Variants in GLIS1 observed in about 807,000 individuals in gnomAD.
GLIS1 encodes the protein GLIS family zinc finger 1.
Under a neutral mutation model 63.8 loss-of-function variants are expected in GLIS1, and 24 were observed. The ratio of observed to expected loss-of-function variants is 0.38; its 90% CI spans 0.27 to 0.53. GLIS1 has a LOEUF of 0.53. GLIS1 is among the 20% of genes least tolerant of loss of function. The pLI is 0.85. For synonymous variants in GLIS1, 450 were observed against 482.5 expected (o/e 0.93, Z 0.88); for missense variants, 1,036 against 1,074.1 (o/e 0.96, Z 0.50).
intron 2 of GLIS1, among the ~76,000 whole-genome samples, chr1:53,624,505 A>G (rs1383962196): frequency 2.0e-5 from 3 of 152,114 alleles, no homozygotes; most frequent in African/African-American, 7.2e-5. Context: ...ACATTTTAAG[A>G]GTTGATAAAT....
intron 4 of GLIS1, among the ~76,000 whole-genome samples, chr1:53,562,267 G>C (rs1644899762): frequency 1.3e-5 from 2 of 152,164 alleles, no homozygotes; most frequent in East Asian, 1.9e-4. Flanking sequence ...GTTCCTGCAC[G>C]ATCATGGAGA....
In GLIS1 at chr1:53,538,079, G is replaced by T. The variant is rs543031711; in HGVS notation, c.1321-8127C>A. 8.5e-5 allele frequency among the ~76,000 whole-genome samples: 13 copies of T among 152,372 alleles called. No individual in the cohort carries two copies. In the East Asian group the frequency reaches 1.7e-3, roughly 20 times the overall value. ...TCCTGCACTCTGGGAGGGGCCGCTG[G>T]CTGGCCTGAGGTTACTGTCCTGTGC... is the stretch of plus-strand genomic sequence containing the variant. On this transcript the variant is annotated intron_variant, in intron 4 of 10. Coordinates refer to ENST00000628545, the MANE Select transcript of GLIS1 (RefSeq NM_001367484.1).
chr1:53,590,359 G>T (rs1645176999), intron 4 of GLIS1, among the ~76,000 whole-genome samples: 1 of 152,062 alleles, frequency 6.6e-6, no homozygotes, highest in South Asian at 2.1e-4. Context: ...ATGCCTTCCG[G>T]ACCGTGCTCA....
chr1:53,637,395 C>A (rs1013799967), intron 2 of GLIS1, among the ~76,000 whole-genome samples: 2 of 152,146 alleles, frequency 1.3e-5, no homozygotes, highest in African/African-American at 4.8e-5. Flanking sequence ...GAGGGTGACA[C>A]GATGTGAGTG....
chr1:53,686,645 G>A (rs1392019739), intron 2 of GLIS1, among the ~76,000 whole-genome samples: 1 of 152,156 alleles, frequency 6.6e-6, no homozygotes, highest in Non-Finnish European at 1.5e-5. Flanking sequence ...CTGGCCAGGG[G>A]AACTGACTCT....
At chr1:53,692,197 T>C (rs1438053418) in intron 2 of GLIS1, among the ~76,000 whole-genome samples, 2 of 152,174 alleles carry the variant, frequency 1.3e-5, no homozygotes, top group Non-Finnish European at 2.9e-5. Flanking sequence ...AAAACTACTA[T>C]AGAACAATAA....
intron 2 of GLIS1, among the ~76,000 whole-genome samples, chr1:53,718,225 G>T (rs985610198): frequency 2.0e-5 from 3 of 152,126 alleles, no homozygotes; most frequent in African/African-American, 7.3e-5. Context: ...GTCAGTTTGT[G>T]ATATATAGTA....
At position 53,520,493 on chromosome 1, in the gene GLIS1, G is replaced by A. The variant is rs1023125089; in HGVS notation, c.1726+141C>T. The A allele has an allele frequency of 3.9e-5, 37 of 948,930 alleles. No individual in the cohort carries two copies. In the Admixed American group the frequency reaches 9.1e-4, roughly 23 times the overall value. 58.8% of individuals were successfully genotyped at this position (948,930 alleles called of 1,614,324 possible). A position where few individuals can be genotyped will look rare whatever the true frequency, so the allele number is the denominator to read the frequency against. The stretch of plus-strand genomic sequence containing the variant: ...TGGAAGTAGGGAACCAGAGGCAGAG[G>A]CAACCAAGTCCAGATGAGTGAGTGC... On this transcript the variant is annotated intron_variant, in intron 7 of 10. Transcript: ENST00000628545.
chr1:53,508,421 C>T (rs187393913), intron 10 of GLIS1, among the ~76,000 whole-genome samples: 42 of 152,346 alleles, frequency 2.8e-4, no homozygotes, highest in Non-Finnish European at 4.6e-4. Context: ...TCAGGTTCCC[C>T]TTTGTTGGAG....
intron 4 of GLIS1, among the ~76,000 whole-genome samples, chr1:53,556,100 T>TGTGTGTATGCAGGTGTACTGCAG: frequency 9.9e-6 from 1 of 100,518 alleles, no homozygotes; most frequent in Non-Finnish European, 2.2e-5. Flanking sequence ...GTACTGCAGG[T>TGTGTGTATGCAGGTGTACTGCAG]GTGTGTGTGT....
intron 4 of GLIS1, among the ~76,000 whole-genome samples, chr1:53,533,511 T>C (rs577025028): frequency 6.6e-6 from 1 of 152,362 alleles, no homozygotes; most frequent in Admixed American, 6.5e-5. Flanking sequence ...CCTGGAACTT[T>C]CCAGAGCTGA....
intron 2 of GLIS1, among the ~76,000 whole-genome samples, chr1:53,705,442 A>G (rs1357143000): frequency 6.6e-6 from 1 of 152,222 alleles, no homozygotes. Flanking sequence ...TGCCAAAAGC[A>G]AACTTTTCCT....
At chr1:53,562,266 C>T (rs766386749) in intron 4 of GLIS1, among the ~76,000 whole-genome samples, 21 of 152,068 alleles carry the variant, frequency 1.4e-4, no homozygotes, top group Non-Finnish European at 2.4e-4. Context: ...GGTTCCTGCA[C>T]GATCATGGAG....
At chr1:53,563,705 G>C (rs985176809) in intron 4 of GLIS1, among the ~76,000 whole-genome samples, 13 of 152,170 alleles carry the variant, frequency 8.5e-5, no homozygotes, top group Non-Finnish European at 1.3e-4. Context: ...GAGTTTTCCA[G>C]AGCTGCAAGG....
intron 2 of GLIS1, among the ~76,000 whole-genome samples, chr1:53,677,033 C>T (rs949922434): frequency 2.0e-5 from 3 of 152,138 alleles, no homozygotes; most frequent in African/African-American, 7.2e-5. Context: ...ACACGGAGCC[C>T]CTAGCTGAGC....
intron 4 of GLIS1, among the ~76,000 whole-genome samples, chr1:53,533,423 T>C (rs763484614): frequency 8.5e-5 from 13 of 152,180 alleles, no homozygotes; most frequent in Non-Finnish European, 1.6e-4. Context: ...TGCAGAAAGG[T>C]ACCCCGATAA....
At chr1:53,576,808 T>TCAACCTAAGCCACCTCTGTA (rs1645036478) in intron 4 of GLIS1, among the ~76,000 whole-genome samples, 2 of 152,042 alleles carry the variant, frequency 1.3e-5, no homozygotes, top group Non-Finnish European at 2.9e-5. Context: ...TACCCCACTC[T>TCAACCTAAGCCACCTCTGTA]CCTCAACCTA....
chr1:53,534,497 TG>T (rs1296229340), intron 4 of GLIS1, among the ~76,000 whole-genome samples: 2 of 151,942 alleles, frequency 1.3e-5, no homozygotes. Context: ...TGCCTCTATG[TG>T]GGGGGTTCAG....
At chr1:53,619,384 A>G (rs1345039378) in intron 2 of GLIS1, among the ~76,000 whole-genome samples, 1 of 152,200 alleles carries the variant, frequency 6.6e-6, no homozygotes, top group Non-Finnish European at 1.5e-5. Context: ...GCTTCTAGGA[A>G]GGCTTCCCTG....
Sources: gnomAD v4.1 joint callset for allele counts (sites outside exome capture counted in the v4.1 genomes callset) on GRCh38, gnomAD v4.1.1 for gene constraint, MANE v1.5 for transcripts, NCBI Gene and HGNC (gene_info 2026-07-23, HGNC 2026-07-21) for gene names.